The following ARB2A variants were observed in gnomAD, a reference collection of about 807,000 sequenced individuals.
ARB2A encodes the protein cotranscriptional regulator ARB2A.
At chr5:93,822,551 G>C in the ARB2A span, among the ~76,000 whole-genome samples, 1 of 151,906 alleles carries the variant, frequency 6.6e-6, no homozygotes, top group Non-Finnish European at 1.5e-5. Flanking sequence ...TACAAGTCAA[G>C]AAATTTCATG....
the ARB2A span, among the ~76,000 whole-genome samples, chr5:93,789,174 CAT>C: frequency 6.6e-6 from 1 of 152,172 alleles, no homozygotes; most frequent in Non-Finnish European, 1.5e-5. Context: ...TAAATTATGA[CAT>C]GTGTTACACA....
chr5:93,951,902 A>G, the ARB2A span, among the ~76,000 whole-genome samples: 1 of 152,252 alleles, frequency 6.6e-6, no homozygotes, highest in African/African-American at 2.4e-5. Flanking sequence ...TCCTAAATAT[A>G]AGAGATAACT....
At chr5:93,800,181 T>G in the ARB2A span, among the ~76,000 whole-genome samples, 1 of 152,106 alleles carries the variant, frequency 6.6e-6, no homozygotes, top group Non-Finnish European at 1.5e-5. Flanking sequence ...AAACTGCCCA[T>G]GTGTTTATAT....
the ARB2A span, among the ~76,000 whole-genome samples, chr5:93,685,581 T>A: frequency 6.6e-6 from 1 of 152,218 alleles, no homozygotes; most frequent in Admixed American, 6.5e-5. Context: ...AAGCTGATTC[T>A]CTAAGTGAGT....
chr5:93,861,651 G>T, the ARB2A span: 1 of 152,098 alleles, frequency 6.6e-6, no homozygotes, highest in East Asian at 1.9e-4. Context: ...AGCAATCTTA[G>T]AACTGAACCA....
At chr5:93,979,377 T>C in the ARB2A span, among the ~76,000 whole-genome samples, 1 of 152,142 alleles carries the variant, frequency 6.6e-6, no homozygotes, top group Non-Finnish European at 1.5e-5. Context: ...ACCAGCACCA[T>C]AATGTAGTGT....
chr5:93,971,592 A>ATAAATAAAT, the ARB2A span, among the ~76,000 whole-genome samples: 2 of 150,674 alleles, frequency 1.3e-5, no homozygotes, highest in Non-Finnish European at 3.0e-5. Flanking sequence ...AAATAAATAA[A>ATAAATAAAT]TAAATAAATA....
the ARB2A span, among the ~76,000 whole-genome samples, chr5:93,714,250 T>C: frequency 3.9e-5 from 6 of 152,334 alleles, no homozygotes; most frequent in Admixed American, 1.3e-4. Flanking sequence ...ATTTATCCCA[T>C]AGTATTATAT....
At chr5:93,684,223 T>G in the ARB2A span, among the ~76,000 whole-genome samples, 1 of 152,188 alleles carries the variant, frequency 6.6e-6, no homozygotes, top group African/African-American at 2.4e-5. Flanking sequence ...ATGTTGTTAG[T>G]TAGGAATCTG....
chr5:93,905,621 C>T, the ARB2A span, among the ~76,000 whole-genome samples: 1 of 151,520 alleles, frequency 6.6e-6, no homozygotes, highest in Non-Finnish European at 1.5e-5. Context: ...AACACCTGGG[C>T]TCTAGACTTG....
the ARB2A span, among the ~76,000 whole-genome samples, chr5:93,965,475 T>C: frequency 6.6e-6 from 1 of 152,012 alleles, no homozygotes; most frequent in Non-Finnish European, 1.5e-5. Flanking sequence ...ATCTACAGAA[T>C]TGTTAAGATA....
the ARB2A span, among the ~76,000 whole-genome samples, chr5:93,944,558 T>C: frequency 6.8e-6 from 1 of 146,250 alleles, no homozygotes; most frequent in Non-Finnish European, 1.5e-5. Context: ...AACTCCAGCC[T>C]GGGTGACACT....
chr5:93,943,934 C>T, the ARB2A span, among the ~76,000 whole-genome samples: 2 of 152,034 alleles, frequency 1.3e-5, no homozygotes, highest in African/African-American at 2.4e-5. Context: ...CCATAGCTTA[C>T]GAAAAGAGAC....
At chr5:94,077,574 T>C in the ARB2A span, among the ~76,000 whole-genome samples, 1 of 152,152 alleles carries the variant, frequency 6.6e-6, no homozygotes, top group African/African-American at 2.4e-5. Context: ...TCAATTTAGT[T>C]TTCCTAATAA....
At chr5:94,056,868 G>C in the ARB2A span, among the ~76,000 whole-genome samples, 3 of 152,098 alleles carry the variant, frequency 2.0e-5, no homozygotes, top group Admixed American at 2.0e-4. Flanking sequence ...TATTATTCTG[G>C]GTGTGACTGT....
chr5:94,109,153 T>C, the ARB2A span, among the ~76,000 whole-genome samples: 1 of 152,242 alleles, frequency 6.6e-6, no homozygotes, highest in Non-Finnish European at 1.5e-5. Flanking sequence ...TTGGAGACAT[T>C]ATACTAAGTG....
chr5:93,912,870 T>C, the ARB2A span, among the ~76,000 whole-genome samples: 1 of 151,848 alleles, frequency 6.6e-6, no homozygotes, highest in Non-Finnish European at 1.5e-5. Context: ...TCTAAGATCT[T>C]CTATGCATTT....
chr5:94,088,289 T>G, the ARB2A span, among the ~76,000 whole-genome samples: 1 of 152,188 alleles, frequency 6.6e-6, no homozygotes, highest in Non-Finnish European at 1.5e-5. Flanking sequence ...CCTCAGAAAC[T>G]TTTACATCCG....
the ARB2A span, among the ~76,000 whole-genome samples, chr5:93,947,436 T>C: frequency 1.3e-5 from 2 of 152,032 alleles, no homozygotes; most frequent in Non-Finnish European, 2.9e-5. Flanking sequence ...TTTTATTTTT[T>C]ATTTTAGAGA....
Sources: gnomAD v4.1 joint callset for allele counts (sites outside exome capture counted in the v4.1 genomes callset) on GRCh38, gnomAD v4.1.1 for gene constraint, MANE v1.5 for transcripts, NCBI Gene and HGNC (gene_info 2026-07-23, HGNC 2026-07-21) for gene names.